The following MAN1A1 variants were observed in gnomAD, a reference collection of about 807,000 sequenced individuals.
The protein encoded by MAN1A1 is mannosidase alpha class 1A member 1.
A neutral mutation model predicts 70.8 loss-of-function variants in MAN1A1; 29 were observed. The ratio of observed to expected loss-of-function variants is 0.41; its 90% confidence interval spans 0.31 to 0.56. The LOEUF is 0.56. MAN1A1 is among the 20% of genes least tolerant of loss of function. The probability of loss-of-function intolerance (pLI) is 0.29; values close to 1 mark genes in which losing one functional copy is unlikely to be tolerated. For missense variants in MAN1A1, 747 were observed against 841.3 expected (o/e 0.89, Z 1.39); for synonymous variants, 349 against 330.1 (o/e 1.06, Z -0.62).
chr6:119,348,966 CG>C lies in MAN1A1; in HGVS notation c.99del (p.Ala34ProfsTer5). On this transcript the variant is annotated frameshift_variant, in exon 2 of 13. Transcript: ENST00000368468. LOFTEE classifies it high-confidence loss of function. ...GGGGGRKGSG[P>X]AALRLTEKFV... ...AACTTCTCCGTCAGGCGGAGGGCGG[CG>C]GGGCCCGACCCCTTCCTGCCACCGC... The C allele has an allele frequency of 2.0e-6, 3 of 1,517,724 alleles. No individual in the cohort carries two copies. The highest frequency in any genetic ancestry group is 2.5e-5 in the South Asian group (2 of 79,726). 94.0% of individuals were successfully genotyped at this position (1,517,724 alleles called of 1,614,324 possible). A position where few individuals can be genotyped will look rare whatever the true frequency, so the allele number is the denominator to read the frequency against.
At chr6:119,283,264 T>C (rs1439688748) in intron 5 of MAN1A1, among the ~76,000 whole-genome samples, 21 of 152,226 alleles carry the variant, frequency 1.4e-4, no homozygotes. Flanking sequence ...TGTACAGATT[T>C]TACTTTAAAA....
chr6:119,331,570 C>CACATATATATATAT (rs1773312803), intron 2 of MAN1A1, among the ~76,000 whole-genome samples: 1 of 117,972 alleles, frequency 8.5e-6, no homozygotes, highest in Non-Finnish European at 1.8e-5. Flanking sequence ...ACATATTATG[C>CACATATATATATAT]ATATATATAT....
At chr6:119,183,610 A>G (rs555734803) in intron 11 of MAN1A1, among the ~76,000 whole-genome samples, 13 of 152,298 alleles carry the variant, frequency 8.5e-5, no homozygotes, top group African/African-American at 3.1e-4. Flanking sequence ...TGAGCTAATG[A>G]GAGGGCCAGC....
At chr6:119,345,069 C>T (rs994844535) in intron 2 of MAN1A1, among the ~76,000 whole-genome samples, 1 of 151,950 alleles carries the variant, frequency 6.6e-6, no homozygotes, top group East Asian at 1.9e-4. Flanking sequence ...TTAGCCCCAG[C>T]CCCTATTACT....
chr6:119,180,327 A>G lies in MAN1A1; in HGVS notation c.1820T>C (p.Leu607Pro). 1 of 1,613,386 alleles carries G rather than the reference A, an allele frequency of 6.2e-7. No homozygotes were observed. The highest frequency in any genetic ancestry group is 8.5e-7 in the Non-Finnish European group (1 of 1,179,416). ...SYDDVQQSFF[L>P]AETLKYLYLI... ...TTTCACCTACTTCAATGTCTCTGCC[A>G]GGAAGAAACTCTGCTGCACATCATC... is the stretch of plus-strand genomic sequence containing the variant. Residue 607 changes from leucine to proline, a missense_variant, in exon 12 of 13, where the codon CTG (leucine) becomes CCG (proline). Physicochemically the swap from Leu to Pro is moderately conservative, Grantham distance 98 (BLOSUM62 -3). Around this residue, in one of 2 missense-constraint regions of MAN1A1, gnomAD observed 419 missense variants for 548.2 expected, o/e 0.76. Transcript: ENST00000368468.
intron 6 of MAN1A1, among the ~76,000 whole-genome samples, chr6:119,239,432 A>C (rs551072096): frequency 3.3e-4 from 51 of 152,322 alleles, no homozygotes; most frequent in African/African-American, 1.2e-3. Context: ...ATCAACTATA[A>C]CTATTACTGC....
chr6:119,308,375 T>G (rs1384201959), intron 2 of MAN1A1, among the ~76,000 whole-genome samples: 1 of 152,202 alleles, frequency 6.6e-6, no homozygotes, highest in Non-Finnish European at 1.5e-5. Flanking sequence ...GGTAGTGTTT[T>G]CAGGATTTTT....
chr6:119,284,898 T>G (rs1054378004), intron 5 of MAN1A1, among the ~76,000 whole-genome samples: 1 of 152,226 alleles, frequency 6.6e-6, no homozygotes, highest in African/African-American at 2.4e-5. Flanking sequence ...ATTTAATTAC[T>G]ATATTAGTCT....
intron 4 of MAN1A1, among the ~76,000 whole-genome samples, chr6:119,292,870 T>C (rs1228990179): frequency 6.6e-6 from 1 of 152,092 alleles, no homozygotes. Context: ...AAGGCTTTAA[T>C]ATTCTACAAA....
At chr6:119,195,416 G>A (rs990506003) in intron 8 of MAN1A1, among the ~76,000 whole-genome samples, 1 of 152,138 alleles carries the variant, frequency 6.6e-6, no homozygotes, top group African/African-American at 2.4e-5. Context: ...TGGACCCTAG[G>A]ACCCCCTTCC....
intron 2 of MAN1A1, among the ~76,000 whole-genome samples, chr6:119,320,100 A>T (rs1203520374): frequency 6.6e-6 from 1 of 151,960 alleles, no homozygotes; most frequent in Non-Finnish European, 1.5e-5. Flanking sequence ...CAGCCTCCCA[A>T]GTGGCTGGGA....
At chr6:119,203,955 C>T (rs547259661) in intron 7 of MAN1A1, among the ~76,000 whole-genome samples, 4 of 152,008 alleles carry the variant, frequency 2.6e-5, no homozygotes, top group Non-Finnish European at 5.9e-5. Context: ...TATCAACAAG[C>T]AGAGGCACAG....
At chr6:119,212,926 A>G (rs1012423357) in intron 6 of MAN1A1, among the ~76,000 whole-genome samples, 3 of 152,220 alleles carry the variant, frequency 2.0e-5, no homozygotes, top group Non-Finnish European at 2.9e-5. Context: ...GTTTTAAGGC[A>G]GGATCAGTAA....
intron 5 of MAN1A1, among the ~76,000 whole-genome samples, chr6:119,251,001 C>A (rs1395758108): frequency 1.3e-5 from 2 of 152,192 alleles, no homozygotes; most frequent in Non-Finnish European, 2.9e-5. Flanking sequence ...GATTTACCGC[C>A]TCCATCAGTC....
intron 8 of MAN1A1, among the ~76,000 whole-genome samples, chr6:119,194,401 A>G (rs895139336): frequency 6.6e-6 from 1 of 151,990 alleles, no homozygotes; most frequent in Admixed American, 6.6e-5. Context: ...ATAGCTCACT[A>G]TAACCTCGAA....
chr6:119,274,951 G>A (rs1389888018), intron 5 of MAN1A1, among the ~76,000 whole-genome samples: 1 of 152,152 alleles, frequency 6.6e-6, no homozygotes, highest in Non-Finnish European at 1.5e-5. Context: ...TTTTGAGAAA[G>A]ACTTAAGTGC....
intron 3 of MAN1A1, among the ~76,000 whole-genome samples, chr6:119,306,680 G>C (rs1772534040): frequency 1.3e-5 from 2 of 152,136 alleles, no homozygotes; most frequent in Non-Finnish European, 2.9e-5. Flanking sequence ...ACTCTTTAAA[G>C]TTACGCAGGT....
intron 8 of MAN1A1, among the ~76,000 whole-genome samples, chr6:119,199,051 T>C (rs750047045): frequency 6.6e-5 from 10 of 152,246 alleles, no homozygotes; most frequent in Non-Finnish European, 1.3e-4. Context: ...CATGCTTTGG[T>C]CATTTGGAAA....
intron 5 of MAN1A1, among the ~76,000 whole-genome samples, chr6:119,262,121 G>C (rs556307170): frequency 2.0e-5 from 3 of 152,296 alleles, no homozygotes; most frequent in East Asian, 3.9e-4. Context: ...AAAACCCACA[G>C]AATCAAGGTG....
Sources: gnomAD v4.1 joint callset for allele counts (sites outside exome capture counted in the v4.1 genomes callset) on GRCh38, gnomAD v4.1.1 for gene constraint, gnomAD v4.1.1 regional missense constraint, MANE v1.5 for transcripts, NCBI Gene and HGNC (gene_info 2026-07-23, HGNC 2026-07-21) for gene names.